RREB1: variants seen among roughly 807,000 people sequenced by gnomAD.
The protein encoded by RREB1 is ras-responsive element-binding protein 1.
In RREB1, 27 loss-of-function variants were observed where a neutral mutation model predicts 117.8. The ratio of observed to expected loss-of-function variants is 0.23; its 90% confidence interval spans 0.17 to 0.32. RREB1 has a LOEUF of 0.32. Among genes scored for constraint, RREB1 ranks in the 10% least tolerant of loss-of-function variants. The pLI, the probability that RREB1 is intolerant of heterozygous loss-of-function variation, is 1.00. For missense variants in RREB1, 2,577 were observed against 2,378.2 expected (o/e 1.08, Z -1.74); for synonymous variants, 1,298 against 1,026.7 (o/e 1.26, Z -5.05).
Position 7,249,212 on chromosome 6 carries a change from C to T in RREB1, c.*244C>T, listed in dbSNP as rs1273100764. On this transcript the variant is annotated 3_prime_UTR_variant, in exon 13 of 13. Transcript: ENST00000379938. ...GCCTTAACTACTTACCGGATCCCTC[C>T]ATATTATCATGGGTGTTGTATTTTT... 1.3e-5 allele frequency: 6 copies of T among 466,930 alleles called. No individual in the cohort carries two copies. The highest frequency in any genetic ancestry group is 3.9e-5 in the African/African-American group (2 of 50,848). 28.9% of individuals were successfully genotyped at this position (466,930 alleles called of 1,614,324 possible). A position where few individuals can be genotyped will look rare whatever the true frequency, so the allele number is the denominator to read the frequency against.
Position 7,172,691 on chromosome 6 carries a change from T to TGG in RREB1, c.-284-3958_-284-3957dup, listed in dbSNP as rs147465069. Among the ~76,000 whole-genome samples the TGG allele has an allele frequency of 5.6e-4, 76 of 135,078 alleles. No individual in the cohort carries two copies. The East Asian group carries it at 8.2e-3, about 15-fold the overall frequency. The allele number at this position is 135,078 out of a possible 152,430, so 88.6% of individuals were successfully genotyped here. A position where few individuals can be genotyped will look rare whatever the true frequency, so the allele number is the denominator to read the frequency against. ...CTGTGCCAGCCACGGGTTGCCGGTG[T>TGG]GGGGGGGTGGGGGTGACTTTCTTGG... On this transcript the variant is annotated intron_variant, in intron 1 of 12. Transcript: ENST00000379938.
chr6:7,242,335 G>A (rs1581592724), intron 11 of RREB1, among the ~76,000 whole-genome samples: 1 of 152,220 alleles, frequency 6.6e-6, no homozygotes, highest in East Asian at 1.9e-4. Flanking sequence ...TAAGTTTGCA[G>A]TCATAGGTTT....
rs558907117 is a variant in RREB1 at position 7,231,121 on chromosome 6, C to T, written c.3022C>T (p.Leu1008=). 3.1e-6 allele frequency: 5 copies of T among 1,612,874 alleles called. 1 individual carries two copies. The highest frequency in any genetic ancestry group is 2.7e-5 in the African/African-American group (2 of 75,066). ...CACCCCGGAACCCCCAGCACAGCCC[C>T]TGCAGGGCCCTGTTCAGCTGGCGGT... ...AATPEPPAQP[L]QGPVQLAVPI... is the part of the protein sequence containing the mutation. Residue 1008 remains leucine (L), a synonymous_variant, in exon 10 of 13, where the codon CTG becomes TTG. Coordinates refer to ENST00000379938, the MANE Select transcript of RREB1 (RefSeq NM_001003699.4).
In RREB1 at chr6:7,226,641, T is replaced by C; in HGVS notation, c.882T>C (p.Phe294=). ...LGFTDFSCRK[F]PRISQAWCET... ...TCACGGACTTCTCCTGTAGGAAGTT[T>C]CCTCGCATTTCTCAGGTATTCTGAT... The change falls in exon 9 of 13, where the codon TTT becomes TTC. Residue 294 remains phenylalanine (F), a synonymous_variant. Transcript: ENST00000379938. 2.5e-6 allele frequency: 4 copies of C among 1,613,904 alleles called. No homozygotes were observed. The highest frequency in any genetic ancestry group is 3.4e-6 in the Non-Finnish European group (4 of 1,179,870).
intron 1 of RREB1, among the ~76,000 whole-genome samples, chr6:7,129,460 G>C (rs1332813769): frequency 6.6e-6 from 1 of 152,228 alleles, no homozygotes; most frequent in African/African-American, 2.4e-5. Flanking sequence ...TGGTTTGTGT[G>C]TCTGTGCTTT....
Position 7,240,477 on chromosome 6 carries a change from T to A in RREB1, c.3848T>A (p.Phe1283Tyr). 1 of 1,613,972 alleles carries A rather than the reference T, an allele frequency of 6.2e-7. No homozygotes were observed. The highest frequency in any genetic ancestry group is 8.5e-7 in the Non-Finnish European group (1 of 1,179,958). ...CCTTGTCAAAAATGCGATGCCTTCT[T>A]TTCTACCAAATCTAACTGTGAACGC... Reference protein sequence around the residue: ...PFPCQKCDAFFSTKSNCERHQ... With the variant: ...PFPCQKCDAFYSTKSNCERHQ... The change falls in exon 11 of 13, where the codon TTT becomes TAT. Residue 1283 changes from phenylalanine to tyrosine, a missense_variant. Coordinates refer to ENST00000379938, the MANE Select transcript of RREB1 (RefSeq NM_001003699.4).
chr6:7,235,727 A>G (rs1372609527), intron 10 of RREB1, among the ~76,000 whole-genome samples: 1 of 151,938 alleles, frequency 6.6e-6, no homozygotes, highest in Non-Finnish European at 1.5e-5. Flanking sequence ...GCCTCCTCCT[A>G]CCCCCTCAGC....
chr6:7,226,189 T>G (rs1312004999), intron 8 of RREB1, among the ~76,000 whole-genome samples: 3 of 152,200 alleles, frequency 2.0e-5, no homozygotes, highest in Non-Finnish European at 4.4e-5. Flanking sequence ...CCCAGCTGTC[T>G]TCTTGTGCTC....
chr6:7,138,526 A>G (rs999193473), intron 1 of RREB1, among the ~76,000 whole-genome samples: 5 of 152,280 alleles, frequency 3.3e-5, no homozygotes, highest in African/African-American at 1.2e-4. Flanking sequence ...AGAAAATGAA[A>G]GTTTAGTCAT....
chr6:7,196,465 G>A (rs139494769), intron 6 of RREB1, among the ~76,000 whole-genome samples: 63 of 152,000 alleles, frequency 4.1e-4, no homozygotes, highest in Middle Eastern at 3.4e-3. Context: ...AGGACACTCA[G>A]AATTGTTATA....
chr6:7,211,472 C>A, intron 7 of RREB1, 101 bp from the exon 8 acceptor site: 2 of 1,080,420 alleles, frequency 1.9e-6, no homozygotes, highest in Non-Finnish European at 2.8e-6. Context: ...GCAACCCTTG[C>A]CTTTTATTAT....
At chr6:7,167,688 G>A (rs1301682656) in intron 1 of RREB1, among the ~76,000 whole-genome samples, 1 of 152,186 alleles carries the variant, frequency 6.6e-6, no homozygotes, top group African/African-American at 2.4e-5. Context: ...CAAGGTTTTG[G>A]CAATCCAATA....
intron 1 of RREB1, among the ~76,000 whole-genome samples, chr6:7,130,615 C>A (rs1186486826): frequency 2.0e-5 from 3 of 151,588 alleles, no homozygotes; most frequent in Admixed American, 6.6e-5. Context: ...TGTTAGTAGT[C>A]ATTTCTTTTT....
rs774664300 is a variant in RREB1, at chr6:7,251,969, T to C, written c.*3001T>C. The stretch of plus-strand genomic sequence containing the variant: ...CCATTTAAGCAATAAATGTTATATT[T>C]TAAAAGCTGCAGATTGCCGGTCACG... On this transcript the variant is annotated 3_prime_UTR_variant, in exon 13 of 13. Coordinates refer to ENST00000379938, the MANE Select transcript of RREB1 (RefSeq NM_001003699.4). The C allele has an allele frequency of 5.3e-5, 8 of 152,228 alleles. No individual in the cohort carries two copies. Among genetic ancestry groups the C allele is most frequent in the Non-Finnish European group, 1.2e-4 (8 of 68,042 alleles). 9.4% of individuals were successfully genotyped at this position (152,228 alleles called of 1,614,324 possible).
chr6:7,166,186 T>C (rs757095647), intron 1 of RREB1, among the ~76,000 whole-genome samples: 23 of 151,942 alleles, frequency 1.5e-4, no homozygotes, highest in African/African-American at 4.8e-4. Context: ...GCCCCTGGCC[T>C]TGGCCCCCTC....
chr6:7,154,316 A>G (rs1763259890), intron 1 of RREB1, among the ~76,000 whole-genome samples: 3 of 152,214 alleles, frequency 2.0e-5, no homozygotes. Context: ...TGAATCAGAA[A>G]TGTGGAGGTG....
Position 7,181,185 on chromosome 6 carries a change from G to A in RREB1, c.-104G>A, listed in dbSNP as rs772103142. 7.5e-5 allele frequency: 30 copies of A among 398,574 alleles called. No homozygotes were observed. Among genetic ancestry groups the A allele is most frequent in the East Asian group, 1.4e-4 (4 of 28,090 alleles). 24.7% of individuals were successfully genotyped at this position (398,574 alleles called of 1,614,324 possible). On this transcript the variant is annotated 5_prime_UTR_variant, in exon 3 of 13. The change creates a new upstream start codon in the 5' untranslated region. Coordinates refer to ENST00000379938, the MANE Select transcript of RREB1 (RefSeq NM_001003699.4). The stretch of plus-strand genomic sequence containing the variant: ...TCAACACAGACTCATTTTCTACTCC[G>A]TGTGAATGATAGCTACAGCAGGGGA...
intron 1 of RREB1, among the ~76,000 whole-genome samples, chr6:7,123,737 A>G (rs933024952): frequency 1.3e-5 from 2 of 150,166 alleles, no homozygotes; most frequent in Non-Finnish European, 3.0e-5. Flanking sequence ...CAGCCTCCCG[A>G]GTAGCTGGGA....
chr6:7,115,980 C>G (rs148524924), intron 1 of RREB1, among the ~76,000 whole-genome samples: 2,873 of 152,282 alleles, frequency 0.019, 44 homozygotes, highest in Non-Finnish European at 0.027. Context: ...ATTGGCTGTT[C>G]TATCGTTTCT....
Sources: gnomAD v4.1 joint callset for allele counts (sites outside exome capture counted in the v4.1 genomes callset) on GRCh38, gnomAD v4.1.1 for gene constraint, MANE v1.5 for transcripts, NCBI Gene and HGNC (gene_info 2026-07-23, HGNC 2026-07-21) for gene names.